Variants in IDO2 observed in about 807,000 individuals in gnomAD.
IDO2 encodes indoleamine 2,3-dioxygenase 2.
IDO2 carries 46 observed loss-of-function variants against 45.1 expected under a neutral mutation model. The observed-to-expected ratio is 1.02, with a 90% CI of 0.80 to 1.30. The LOEUF is 1.30. Ranked by LOEUF, IDO2 falls within the 50% of genes most tolerant of loss-of-function variation. The pLI, the probability that IDO2 is intolerant of heterozygous loss-of-function variation, is 0.00. For synonymous variants in IDO2, 218 were observed against 184.9 expected, an observed-to-expected ratio of 1.18 and a Z score of -1.45; for missense variants, 544 against 491.8, an observed-to-expected ratio of 1.11 and a Z score of -1.00.
At chr8:39,949,057 AG>A (rs1325263229) in intron 1 of IDO2, 91 bp from the exon 2 acceptor site, 1 of 1,510,240 alleles carries the variant, frequency 6.6e-7, no homozygotes, top group Non-Finnish European at 8.9e-7. Context: ...CCTGTGCCTG[AG>A]ACACTGCGCA....
chr8:39,974,628 C>G (rs1191973362), intron 3 of IDO2, among the ~76,000 whole-genome samples: 1 of 152,098 alleles, frequency 6.6e-6, no homozygotes, highest in African/African-American at 2.4e-5. Context: ...ACTGAAAATA[C>G]ACAAAATTGG....
intron 2 of IDO2, among the ~76,000 whole-genome samples, chr8:39,957,069 AT>A (rs1807916046): frequency 6.9e-6 from 1 of 144,284 alleles, no homozygotes; most frequent in African/African-American, 2.5e-5. Context: ...AAAAAAAGAG[AT>A]CAATAAATAA....
At chr8:39,968,505 G>T (rs886556568) in intron 3 of IDO2, among the ~76,000 whole-genome samples, 5 of 152,284 alleles carry the variant, frequency 3.3e-5, no homozygotes, top group Non-Finnish European at 7.4e-5. Flanking sequence ...GGACTTTCAT[G>T]TATGCAAATT....
exon 5 of IDO2, chr8:39,982,685 G>A (rs573611998): frequency 2.0e-5 from 32 of 1,610,794 alleles, no homozygotes; most frequent in South Asian, 1.4e-4. Context: ...TCCATTTGTC[G>A]AAGTCTCCAG....
chr8:40,015,141 C>A, intron 10 of IDO2, 106 bp from the exon 11 acceptor site: 2 of 683,054 alleles, frequency 2.9e-6, no homozygotes, highest in Non-Finnish European at 4.8e-6. Flanking sequence ...GGCAACAGAG[C>A]AAGATCTCAT....
intron 2 of IDO2, among the ~76,000 whole-genome samples, chr8:39,958,445 G>A (rs886811038): frequency 6.6e-6 from 1 of 152,124 alleles, no homozygotes; most frequent in Non-Finnish European, 1.5e-5. Flanking sequence ...CGCCCAGGCT[G>A]GAGTGCACTG....
chr8:39,940,443 G>A (rs1396935873), intron 1 of IDO2, among the ~76,000 whole-genome samples: 1 of 152,180 alleles, frequency 6.6e-6, no homozygotes, highest in Admixed American at 6.5e-5. Flanking sequence ...GTAGCAATCA[G>A]ACCAGATAGA....
intron 2 of IDO2, among the ~76,000 whole-genome samples, chr8:39,961,838 G>A (rs1466731762): frequency 6.6e-6 from 1 of 152,076 alleles, no homozygotes. Flanking sequence ...CATAAACATG[G>A]AAATCATCCT....
At chr8:39,955,317 C>T (rs1044590635) in intron 2 of IDO2, among the ~76,000 whole-genome samples, 4 of 140,790 alleles carry the variant, frequency 2.8e-5, no homozygotes, top group Non-Finnish European at 4.5e-5. Flanking sequence ...TGCAGTGGCA[C>T]GTTCTTGGCT....
chr8:39,978,686 C>T (rs1808297702), intron 3 of IDO2, among the ~76,000 whole-genome samples: 1 of 152,108 alleles, frequency 6.6e-6, no homozygotes, highest in African/African-American at 2.4e-5. Context: ...TTGGATAAGA[C>T]AGGCTTGTAA....
Position 40,015,589 on chromosome 8 carries a change from A to C in IDO2, c.1211A>C (p.His404Pro), listed in dbSNP as rs778845272. Residue 404 changes from histidine (H) to proline (P), a missense_variant, in exon 11 of 11, where the codon CAC (histidine) becomes CCC (proline). Physicochemically the swap from His to Pro is moderately conservative, Grantham distance 77. Transcript: ENST00000502986. Reference sequence around the variant, plus strand: ...GATAAGACCTTGGAGTCAATCCTTCACCCACGTGGTTAGGAGGCTGCCCTC... The same window carrying C: ...GATAAGACCTTGGAGTCAATCCTTCCCCCACGTGGTTAGGAGGCTGCCCTC... 7.5e-6 allele frequency: 12 copies of C among 1,610,486 alleles called. No individual in the cohort carries two copies. The African/African-American group carries it at 1.5e-4, about 20-fold the overall frequency.
At chr8:40,004,085 G>T (rs1205179365) in intron 8 of IDO2, among the ~76,000 whole-genome samples, 1 of 152,120 alleles carries the variant, frequency 6.6e-6, no homozygotes. Flanking sequence ...TTCTGCTTCA[G>T]CAAAAAGTAG....
chr8:39,973,337 G>A (rs916517750), intron 3 of IDO2, among the ~76,000 whole-genome samples: 3 of 152,040 alleles, frequency 2.0e-5, no homozygotes, highest in Non-Finnish European at 4.4e-5. Flanking sequence ...TCTATCCACT[G>A]CAAGGATCTA....
intron 8 of IDO2, among the ~76,000 whole-genome samples, chr8:39,991,565 C>CT (rs61354300): frequency 0.31 from 32,333 of 103,584 alleles, 4,862 homozygotes; most frequent in East Asian, 0.38. Context: ...AGACTCACTT[C>CT]TTTTTTTTTT....
intron 3 of IDO2, among the ~76,000 whole-genome samples, chr8:39,965,488 A>AAAAAC (rs1563429351): frequency 6.6e-6 from 1 of 150,844 alleles, no homozygotes; most frequent in Non-Finnish European, 1.5e-5. Flanking sequence ...CTCTGTCTCA[A>AAAAAC]AAAACAAAAC....
At chr8:39,980,032 C>T (rs1170610368) in intron 4 of IDO2, among the ~76,000 whole-genome samples, 1 of 152,128 alleles carries the variant, frequency 6.6e-6, no homozygotes, top group Non-Finnish European at 1.5e-5. Flanking sequence ...CTGTTTTGCC[C>T]AGGCTGATCT....
intron 2 of IDO2, among the ~76,000 whole-genome samples, chr8:39,961,232 A>C (rs896235850): frequency 1.3e-4 from 20 of 150,818 alleles, no homozygotes; most frequent in African/African-American, 4.4e-4. Flanking sequence ...TTCATTTTTC[A>C]TATTCCCTCA....
At chr8:39,987,191 C>G (rs1398179720) in intron 6 of IDO2, 1 of 152,172 alleles carries the variant, frequency 6.6e-6, no homozygotes, top group Non-Finnish European at 1.5e-5. Flanking sequence ...TGGCACTTCC[C>G]CCACCTCCTG....
At chr8:39,996,704 C>A (rs1193902217) in intron 8 of IDO2, among the ~76,000 whole-genome samples, 3 of 152,068 alleles carry the variant, frequency 2.0e-5, no homozygotes, top group African/African-American at 4.8e-5. Context: ...CATGAGCCAC[C>A]GCATCCAGCC....
Sources: allele counts gnomAD v4.1 joint callset (sites outside exome capture counted in the v4.1 genomes callset), GRCh38; gene constraint gnomAD v4.1.1; transcripts MANE v1.5; gene names NCBI Gene and HGNC (gene_info 2026-07-23, HGNC 2026-07-21).